CSMD1: variants seen among roughly 807,000 people sequenced by gnomAD.
The protein encoded by CSMD1 is CUB and sushi domain-containing protein 1.
A neutral mutation model predicts 417.5 loss-of-function variants in CSMD1; 213 were observed. The ratio of observed to expected loss-of-function variants is 0.51; its 90% CI spans 0.46 to 0.57. CSMD1 has a LOEUF of 0.57. Ranked by LOEUF, CSMD1 falls within the 20% of genes least tolerant of loss-of-function variation. The pLI, the probability that CSMD1 is intolerant of heterozygous loss-of-function variation, is 0.00. For synonymous variants in CSMD1, 2,862 were observed against 1,736.8 expected (o/e 1.65, Z -16.11); for missense variants, 6,923 against 4,529.7 (o/e 1.53, Z -15.17).
In CSMD1 at chr8:4,558,647, A is replaced by C. The variant is rs528967432; in HGVS notation, c.302+78695T>G. On this transcript the variant is annotated intron_variant, in intron 2 of 69. Coordinates refer to ENST00000635120, the MANE Select transcript of CSMD1 (RefSeq NM_033225.6). ...TTTGGGAGGCTGAGGCAGCTGGATC[A>C]TCTGAGGTCAGGAGTTCTAGACCAG... is the stretch of plus-strand genomic sequence containing the variant. Among the ~76,000 whole-genome samples the C allele has an allele frequency of 3.9e-5, 6 of 152,222 alleles. No individual in the cohort carries two copies. In the East Asian group the frequency reaches 7.8e-4, roughly 20 times the overall value.
chr8:3,496,955 T>C (rs947155899), intron 10 of CSMD1, among the ~76,000 whole-genome samples: 4 of 152,178 alleles, frequency 2.6e-5, no homozygotes, highest in African/African-American at 9.6e-5. Context: ...ATTTTGAAAG[T>C]TTCTCTTGTT....
At chr8:4,375,300 T>G (rs1354398757) in intron 3 of CSMD1, among the ~76,000 whole-genome samples, 2 of 152,102 alleles carry the variant, frequency 1.3e-5, no homozygotes, top group Non-Finnish European at 2.9e-5. Context: ...AAGTGTCATA[T>G]CTCCAAAAGC....
chr8:4,711,622 A>C (rs571663804), intron 1 of CSMD1, among the ~76,000 whole-genome samples: 2 of 152,122 alleles, frequency 1.3e-5, no homozygotes, highest in African/African-American at 4.8e-5. Context: ...TAAGAGAATT[A>C]TTTTTGCAGT....
At chr8:3,542,688 G>A (rs971670906) in intron 10 of CSMD1, among the ~76,000 whole-genome samples, 1 of 152,178 alleles carries the variant, frequency 6.6e-6, no homozygotes, top group East Asian at 1.9e-4. Context: ...TTGCTCAAAT[G>A]TCTCAAGAAT....
chr8:4,687,294 C>T (rs887547514), intron 1 of CSMD1, among the ~76,000 whole-genome samples: 1 of 152,140 alleles, frequency 6.6e-6, no homozygotes, highest in African/African-American at 2.4e-5. Flanking sequence ...TTACTGAGGA[C>T]AGAGGATGAT....
chr8:3,694,721 G>A (rs1484596156), intron 7 of CSMD1, among the ~76,000 whole-genome samples: 2 of 152,010 alleles, frequency 1.3e-5, no homozygotes, highest in East Asian at 3.9e-4. Flanking sequence ...AGAACCTGGA[G>A]GAAGCAGGTG....
intron 2 of CSMD1, among the ~76,000 whole-genome samples, chr8:4,602,541 C>T (rs1388069081): frequency 6.6e-6 from 1 of 152,138 alleles, no homozygotes; most frequent in Non-Finnish European, 1.5e-5. Flanking sequence ...ACATATTGGT[C>T]ATTATAGTCA....
chr8:4,678,895 G>A (rs558736851), intron 1 of CSMD1, among the ~76,000 whole-genome samples: 1 of 152,142 alleles, frequency 6.6e-6, no homozygotes, highest in Non-Finnish European at 1.5e-5. Context: ...TTTACAAACA[G>A]TAATATTTGA....
Position 4,589,338 on chromosome 8 carries a change from C to A in CSMD1, c.302+48004G>T, listed in dbSNP as rs78605436. ...GTGATCTTTAGCCATGTTTTTTCTG[C>A]CTAATTCAAAGTATTAACCATAATA... On this transcript the variant is annotated intron_variant, in intron 2 of 69. Transcript: ENST00000635120. 3.9e-3 allele frequency among the ~76,000 whole-genome samples: 594 copies of A among 152,178 alleles called. 3 individuals are homozygous for A. Among genetic ancestry groups the A allele is most frequent in the African/African-American group, 0.014 (577 of 41,516 alleles).
intron 25 of CSMD1, among the ~76,000 whole-genome samples, chr8:3,298,540 G>C (rs111456999): frequency 2.0e-5 from 3 of 152,138 alleles, no homozygotes. Context: ...TGCAACCTCT[G>C]CCTCCCAGGC....
chr8:4,655,972 C>A (rs999703708), intron 1 of CSMD1, among the ~76,000 whole-genome samples: 1 of 152,040 alleles, frequency 6.6e-6, no homozygotes, highest in East Asian at 1.9e-4. Flanking sequence ...CATGTTAGTG[C>A]AGAGGGTTGG....
intron 2 of CSMD1, among the ~76,000 whole-genome samples, chr8:4,627,929 G>A (rs186551839): frequency 3.3e-5 from 5 of 152,048 alleles, no homozygotes; most frequent in East Asian, 1.9e-4. Context: ...ACTGCAGGAC[G>A]ATGATCAGCA....
At chr8:4,078,891 TAATAAATATATATATA>T (rs1447918247) in intron 3 of CSMD1, among the ~76,000 whole-genome samples, 1 of 109,634 alleles carries the variant, frequency 9.1e-6, no homozygotes, top group East Asian at 2.7e-4. Context: ...ATAATAATAA[TAATAAATATATATATA>T]TATATATATA....
At chr8:4,218,136 G>A (rs1385962309) in intron 3 of CSMD1, among the ~76,000 whole-genome samples, 1 of 152,166 alleles carries the variant, frequency 6.6e-6, no homozygotes, top group East Asian at 1.9e-4. Flanking sequence ...CAGGGTATAA[G>A]TAACTCCTAC....
chr8:4,439,254 C>G (rs1798325148), intron 2 of CSMD1, among the ~76,000 whole-genome samples: 2 of 152,016 alleles, frequency 1.3e-5, no homozygotes, highest in South Asian at 2.1e-4. Context: ...TTCTATTAAA[C>G]AAATTAAACA....
At chr8:4,437,911 G>T (rs1202890799) in intron 2 of CSMD1, among the ~76,000 whole-genome samples, 2 of 152,156 alleles carry the variant, frequency 1.3e-5, no homozygotes, top group African/African-American at 4.8e-5. Flanking sequence ...CCGGCTCTCA[G>T]GCTTGGACAT....
At chr8:4,612,099 C>A (rs1205676423) in intron 2 of CSMD1, among the ~76,000 whole-genome samples, 2 of 152,076 alleles carry the variant, frequency 1.3e-5, no homozygotes, top group Non-Finnish European at 2.9e-5. Context: ...AGAGGAGGCA[C>A]AGACTCTTTT....
chr8:4,166,066 C>T (rs1335482814), intron 3 of CSMD1, among the ~76,000 whole-genome samples: 1 of 152,126 alleles, frequency 6.6e-6, no homozygotes, highest in Non-Finnish European at 1.5e-5. Flanking sequence ...TAAGTGAATT[C>T]CCAATCTTGC....
intron 3 of CSMD1, among the ~76,000 whole-genome samples, chr8:4,348,156 A>G (rs150870726): frequency 2.6e-5 from 4 of 152,314 alleles, no homozygotes; most frequent in African/African-American, 9.6e-5. Flanking sequence ...TCGGTTTTTA[A>G]AACATATTTA....
Sources: gnomAD v4.1 joint callset for allele counts (sites outside exome capture counted in the v4.1 genomes callset) on GRCh38, gnomAD v4.1.1 for gene constraint, MANE v1.5 for transcripts, NCBI Gene and HGNC (gene_info 2026-07-23, HGNC 2026-07-21) for gene names.